Variants in NR6A1 observed in about 807,000 individuals in gnomAD.
NR6A1 encodes nuclear receptor subfamily 6 group A member 1.
A neutral mutation model predicts 59.1 loss-of-function variants in NR6A1; 7 were observed. The observed-to-expected ratio is 0.12, with a 90% confidence interval of 0.07 to 0.22. NR6A1 has a LOEUF of 0.22. Among genes scored for constraint, NR6A1 ranks in the 10% least tolerant of loss-of-function variants. The pLI, the probability that NR6A1 is intolerant of heterozygous loss-of-function variation, is 1.00. For synonymous variants in NR6A1, 243 were observed against 236.1 expected (o/e 1.03, Z -0.27); for missense variants, 468 against 611.6 (o/e 0.77, Z 2.48).
At chr9:124,530,881 T>C (rs936494622) in intron 7 of NR6A1, among the ~76,000 whole-genome samples, 4 of 152,254 alleles carry the variant, frequency 2.6e-5, no homozygotes, top group African/African-American at 9.6e-5. Context: ...GCACAACAGA[T>C]ACAGGTGATA....
Position 124,540,077 on chromosome 9 carries a change from A to C in NR6A1, c.552T>G (p.Ala184=). The C allele has an allele frequency of 6.2e-7, 1 of 1,612,252 alleles. No homozygotes were observed. The highest frequency in any genetic ancestry group is 8.5e-7 in the Non-Finnish European group (1 of 1,179,724). The part of the protein sequence containing the change: ...DSDHSSPGNR[A]SESNQPSPGS... ...CTGGTGAGGGCTGGTTGCTCTCCGA[A>C]GCCCTGTTCCCAGGGGAACTGTGGT... Residue 184 remains alanine, a synonymous_variant, in exon 5 of 10, where the codon GCT becomes GCG. Coordinates refer to ENST00000487099, the MANE Select transcript of NR6A1 (RefSeq NM_033334.4).
chr9:124,653,017 T>C (rs1448501708), intron 2 of NR6A1, among the ~76,000 whole-genome samples: 1 of 152,256 alleles, frequency 6.6e-6, no homozygotes, highest in Non-Finnish European at 1.5e-5. Flanking sequence ...ATTTACATTT[T>C]GTATAATCAT....
At chr9:124,577,828 A>C (rs1834645212) in intron 2 of NR6A1, among the ~76,000 whole-genome samples, 1 of 152,200 alleles carries the variant, frequency 6.6e-6, no homozygotes, top group Non-Finnish European at 1.5e-5. Context: ...TTTAAGGATA[A>C]ATTAAAGCTG....
At chr9:124,555,605 C>A (rs867971312) in intron 2 of NR6A1, among the ~76,000 whole-genome samples, 8 of 152,220 alleles carry the variant, frequency 5.3e-5, no homozygotes, top group Middle Eastern at 3.4e-3. Flanking sequence ...GACGGCAAGA[C>A]CATATCTCTT....
chr9:124,703,377 GT>G (rs891247037), intron 2 of NR6A1, among the ~76,000 whole-genome samples: 8 of 145,566 alleles, frequency 5.5e-5, no homozygotes, highest in South Asian at 2.2e-4. Flanking sequence ...CATGTCCAGG[GT>G]TTTTTTTTTC....
intron 2 of NR6A1, among the ~76,000 whole-genome samples, chr9:124,657,729 GCTTT>G (rs1243476792): frequency 2.0e-5 from 3 of 151,710 alleles, no homozygotes; most frequent in Non-Finnish European, 4.4e-5. Flanking sequence ...TAGGGTCCAT[GCTTT>G]CATAGCTTCC....
At chr9:124,560,798 T>C (rs1203715190) in intron 2 of NR6A1, among the ~76,000 whole-genome samples, 1 of 152,182 alleles carries the variant, frequency 6.6e-6, no homozygotes, top group Non-Finnish European at 1.5e-5. Context: ...TGACCTCAGA[T>C]GATCCACCCG....
At chr9:124,577,497 G>T (rs1834635957) in intron 2 of NR6A1, among the ~76,000 whole-genome samples, 1 of 152,162 alleles carries the variant, frequency 6.6e-6, no homozygotes, top group African/African-American at 2.4e-5. Flanking sequence ...CTTAGTTCTG[G>T]ATTATGGAGC....
At chr9:124,733,984 A>C (rs1839953955) in intron 1 of NR6A1, among the ~76,000 whole-genome samples, 1 of 152,224 alleles carries the variant, frequency 6.6e-6, no homozygotes, top group African/African-American at 2.4e-5. Flanking sequence ...GTATATAACT[A>C]ACACACTGGA....
At chr9:124,582,050 C>T (rs1449239820) in intron 2 of NR6A1, among the ~76,000 whole-genome samples, 3 of 152,106 alleles carry the variant, frequency 2.0e-5, no homozygotes, top group Non-Finnish European at 4.4e-5. Flanking sequence ...AAATACCATT[C>T]GACCCAGCAA....
At chr9:124,644,833 T>C (rs983138773) in intron 2 of NR6A1, among the ~76,000 whole-genome samples, 1 of 152,186 alleles carries the variant, frequency 6.6e-6, no homozygotes, top group Non-Finnish European at 1.5e-5. Context: ...CAAATTAGCA[T>C]TGGAACTGAC....
intron 2 of NR6A1, among the ~76,000 whole-genome samples, chr9:124,588,887 T>A (rs1203383169): frequency 7.4e-6 from 1 of 134,906 alleles, no homozygotes; most frequent in Non-Finnish European, 1.5e-5. Flanking sequence ...GCCACTGCAC[T>A]CCAGACTGGG....
intron 2 of NR6A1, chr9:124,599,525 TC>T: frequency 1.7e-6 from 1 of 591,490 alleles, no homozygotes; most frequent in Non-Finnish European, 2.9e-6. Flanking sequence ...GTTGGACTCG[TC>T]TTCATTCTCA....
intron 2 of NR6A1, among the ~76,000 whole-genome samples, chr9:124,733,088 A>G (rs1170236682): frequency 6.6e-6 from 1 of 152,218 alleles, no homozygotes; most frequent in East Asian, 1.9e-4. Flanking sequence ...CAGCAAACCA[A>G]CTTTCTATTA....
At chr9:124,678,877 C>A (rs1421461815) in intron 2 of NR6A1, among the ~76,000 whole-genome samples, 2 of 152,144 alleles carry the variant, frequency 1.3e-5, no homozygotes, top group Admixed American at 6.5e-5. Flanking sequence ...GCGACCCAGT[C>A]CTAATAACTT....
chr9:124,540,036 G>C lies in NR6A1; in HGVS notation c.593C>G (p.Ser198Cys), dbSNP rs1172234891. 4 of 1,591,582 alleles carry C rather than the reference G, an allele frequency of 2.5e-6. No individual in the cohort carries two copies. In the African/African-American group the frequency reaches 5.8e-5, roughly 23 times the overall value. ...ATGGGTTTGCCTTAAAGCTCACCTG[G>C]AAGACAGTGTGGAGCCTGGTGAGGG... ...NQPSPGSTLSSSRSVELNGFM... is the reference protein window; with the variant it reads ...NQPSPGSTLSCSRSVELNGFM... The change falls in exon 5 of 10, where the codon TCC becomes TGC. Residue 198 changes from serine to cysteine, a missense_variant. Coordinates refer to ENST00000487099, the MANE Select transcript of NR6A1 (RefSeq NM_033334.4).
intron 2 of NR6A1, among the ~76,000 whole-genome samples, chr9:124,724,351 T>C (rs1002566264): frequency 1.9e-4 from 29 of 151,948 alleles, no homozygotes; most frequent in Middle Eastern, 6.8e-3. Flanking sequence ...ATTATTCTAC[T>C]ACCAGTTTAA....
chr9:124,702,824 C>A (rs1486911618), intron 2 of NR6A1, among the ~76,000 whole-genome samples: 1 of 152,054 alleles, frequency 6.6e-6, no homozygotes, highest in East Asian at 1.9e-4. Flanking sequence ...AAATAAACCT[C>A]TTCATAAATT....
intron 2 of NR6A1, among the ~76,000 whole-genome samples, chr9:124,643,812 T>A (rs891001577): frequency 2.6e-5 from 4 of 151,962 alleles, no homozygotes; most frequent in Admixed American, 1.3e-4. Context: ...TTCATTTTTT[T>A]AAAATCAGAA....
Sources: allele counts gnomAD v4.1 joint callset (sites outside exome capture counted in the v4.1 genomes callset), GRCh38; gene constraint gnomAD v4.1.1; transcripts MANE v1.5; gene names NCBI Gene and HGNC (gene_info 2026-07-23, HGNC 2026-07-21).